Variants in PPM1F observed in about 807,000 individuals in gnomAD.
PPM1F encodes the protein protein phosphatase 1F.
In PPM1F, 17 loss-of-function variants were observed where a neutral mutation model predicts 35.5. That is an observed-to-expected ratio of 0.48 (90% CI 0.33 to 0.72). The LOEUF is 0.72. Ranked by LOEUF, PPM1F falls within the 30% of genes least tolerant of loss-of-function variation. The probability of loss-of-function intolerance (pLI) is 0.02; values close to 1 mark genes in which losing one functional copy is unlikely to be tolerated. For synonymous variants in PPM1F, 241 were observed against 255.5 expected (o/e 0.94, Z 0.54); for missense variants, 521 against 613.0 (o/e 0.85, Z 1.59).
At chr22:21,938,818 TAGG>T (rs1408818584) in intron 3 of PPM1F, 1 of 155,078 alleles carries the variant, frequency 6.4e-6, no homozygotes, top group Non-Finnish European at 1.4e-5. Flanking sequence ...ATGAAATTAC[TAGG>T]AGAATGAAAG....
chr22:21,943,374 G>A (rs1027351188), intron 2 of PPM1F: 1 of 152,156 alleles, frequency 6.6e-6, no homozygotes, highest in African/African-American at 2.4e-5. Flanking sequence ...TGCTAGAAAA[G>A]AACAAAAATA....
intron 7 of PPM1F, among the ~76,000 whole-genome samples, chr22:21,924,402 C>T (rs979383884): frequency 4.6e-5 from 7 of 151,634 alleles, no homozygotes; most frequent in African/African-American, 1.7e-4. Context: ...CAAGTAGCTG[C>T]GATTACAGGC....
At chr22:21,942,756 G>A (rs1413926399) in intron 2 of PPM1F, 1 of 152,402 alleles carries the variant, frequency 6.6e-6, no homozygotes, top group Non-Finnish European at 1.5e-5. Context: ...CTCATCCCAG[G>A]GTCTGGCCTG....
Position 21,931,139 on chromosome 22 carries a change from TC to T in PPM1F, c.891+8del, listed in dbSNP as rs2070584170. 14 of 1,613,708 alleles carry T rather than the reference TC, an allele frequency of 8.7e-6. No individual in the cohort carries two copies. The highest frequency in any genetic ancestry group is 1.2e-5 in the Non-Finnish European group (14 of 1,179,850). ...AATATCCTGGGCCTGGGCGCAGGGA[TC>T]CCCTTACCTGCCGTTCTGGTCTGTG... On this transcript the variant is annotated splice_region_variant and intron_variant, in intron 6 of 7. Transcript: ENST00000263212.
At chr22:21,925,473 CTGCCTCCCTG>C (rs2070500997) in intron 7 of PPM1F, 86 bp downstream of exon 7, 1 of 1,006,010 alleles carries the variant, frequency 9.9e-7, no homozygotes, top group Non-Finnish European at 1.5e-6. Flanking sequence ...GCCCATCACA[CTGCCTCCCTG>C]AACCCCTGGT....
At chr22:21,933,711 G>A (rs765084156) in intron 4 of PPM1F, 132 bp from the exon 5 acceptor site, 99 of 836,548 alleles carry the variant, frequency 1.2e-4, no homozygotes, top group Non-Finnish European at 1.7e-4. Context: ...GTGCGTATGA[G>A]GGGGTAGGTT....
intron 2 of PPM1F, chr22:21,944,252 T>C (rs2070755349): frequency 6.6e-6 from 1 of 152,278 alleles, no homozygotes; most frequent in Non-Finnish European, 1.5e-5. Flanking sequence ...GGACATTTCC[T>C]CCTGAGCTCT....
intron 6 of PPM1F, among the ~76,000 whole-genome samples, chr22:21,927,969 T>TTTTTTTTC (rs2070540368): frequency 9.4e-6 from 1 of 106,068 alleles, no homozygotes; most frequent in Non-Finnish European, 2.0e-5. Flanking sequence ...TTTTTTTTTT[T>TTTTTTTTC]TGGAGACAGG....
rs530865172 is a variant in PPM1F, at chr22:21,938,130, C to T, written c.355+1402G>A. The T allele has an allele frequency of 1.2e-5, 16 of 1,301,554 alleles. No individual in the cohort carries two copies. The East Asian group carries it at 7.8e-4, about 63-fold the overall frequency. The allele number at this position is 1,301,554 out of a possible 1,614,324, so 80.6% of individuals were successfully genotyped here. A position where few individuals can be genotyped will look rare whatever the true frequency, so the allele number is the denominator to read the frequency against. On this transcript the variant is annotated intron_variant, in intron 3 of 7. Transcript: ENST00000263212. ...CGAGACTTCCTTCTAGCTGCGCCCT[C>T]CCTCCTTCCCAGGCCTGCAGGAGCC...
intron 3 of PPM1F, chr22:21,938,109 ACTTC>A (rs1441602227): frequency 1.5e-6 from 2 of 1,297,364 alleles, no homozygotes; most frequent in Non-Finnish European, 2.0e-6. Context: ...GGCAGGCGAG[ACTTC>A]CTTCTAGCTG....
At chr22:21,938,450 A>C (rs1601787366) in intron 3 of PPM1F, 3 of 1,140,248 alleles carry the variant, frequency 2.6e-6, no homozygotes, top group Non-Finnish European at 3.3e-6. Flanking sequence ...GCAGAGGACG[A>C]GAGCGAGGAG....
intron 6 of PPM1F, among the ~76,000 whole-genome samples, chr22:21,926,718 C>G (rs1427371360): frequency 6.6e-6 from 1 of 152,180 alleles, no homozygotes; most frequent in Non-Finnish European, 1.5e-5. Context: ...GCATCCCTTA[C>G]CGGTTTATCA....
intron 5 of PPM1F, 31 bp downstream of exon 5, chr22:21,933,360 C>T (rs2070615727): frequency 1.9e-6 from 3 of 1,578,478 alleles, no homozygotes; most frequent in Non-Finnish European, 2.6e-6. Context: ...GGCCTCCAAA[C>T]TGCACCTGAG....
chr22:21,931,053 C>G (rs1176605363), intron 6 of PPM1F, 95 bp downstream of exon 6: 1 of 1,549,400 alleles, frequency 6.5e-7, no homozygotes, highest in African/African-American at 1.4e-5. Context: ...AGGATTACTA[C>G]TACCTGAAGT....
At chr22:21,929,533 A>AATGGG in intron 6 of PPM1F, among the ~76,000 whole-genome samples, 1 of 152,268 alleles carries the variant, frequency 6.6e-6, no homozygotes, top group African/African-American at 2.4e-5. Context: ...ACTGGGCTTT[A>AATGGG]ATGGGGTGCT....
At chr22:21,938,209 G>A (rs1309943108) in intron 3 of PPM1F, 1 of 1,303,200 alleles carries the variant, frequency 7.7e-7, no homozygotes, top group African/African-American at 1.5e-5. Context: ...CTCACCGGCA[G>A]GTGGCGCTGT....
In PPM1F at chr22:21,922,828, A is replaced by C; in HGVS notation, c.*264T>G. On this transcript the variant is annotated 3_prime_UTR_variant, in exon 8 of 8. Transcript: ENST00000263212. The stretch of plus-strand genomic sequence containing the variant: ...TGACCTCTGGTCCCACCCCGGGCCT[A>C]ATAGGAGCTGGGAGCAAGAGCCGGT... 4.4e-6 allele frequency: 2 copies of C among 459,436 alleles called. No individual in the cohort carries two copies. The highest frequency in any genetic ancestry group is 7.7e-6 in the Non-Finnish European group (2 of 259,122). The allele number at this position is 459,436 out of a possible 1,614,324, so 28.5% of individuals were successfully genotyped here.
At chr22:21,929,745 G>A (rs2083566) in intron 6 of PPM1F, among the ~76,000 whole-genome samples, 15,918 of 152,198 alleles carry the variant, frequency 0.1, 902 homozygotes, top group Non-Finnish European at 0.12. Context: ...GCAAGTGACT[G>A]AGCCTCAGTT....
intron 6 of PPM1F, among the ~76,000 whole-genome samples, chr22:21,927,944 T>TTTTG (rs1555923347): frequency 4.1e-4 from 6 of 14,588 alleles, no homozygotes; most frequent in Admixed American, 1.3e-3. Context: ...TTTGTTTTGT[T>TTTTG]TTTTTTTTTT....
Sources: gnomAD v4.1 joint callset for allele counts (sites outside exome capture counted in the v4.1 genomes callset) on GRCh38, gnomAD v4.1.1 for gene constraint, MANE v1.5 for transcripts, NCBI Gene and HGNC (gene_info 2026-07-23, HGNC 2026-07-21) for gene names.